The following SUGCT variants were observed in gnomAD, a reference collection of about 807,000 sequenced individuals.
The protein encoded by SUGCT is succinyl-CoA:glutarate-CoA transferase, also known as succinyl-CoA:glutarate CoA-transferase.
In SUGCT, 41 loss-of-function variants were observed where a neutral mutation model predicts 55.0. The ratio of observed to expected loss-of-function variants is 0.74; its 90% CI spans 0.58 to 0.97. The LOEUF (loss-of-function observed/expected upper bound fraction) is 0.97, where lower values mean the gene tolerates loss of function less well. Among genes scored for constraint, SUGCT ranks in the 50% least tolerant of loss-of-function variants. The pLI is 0.00. For synonymous variants in SUGCT, 187 were observed against 200.4 expected (o/e 0.93, Z 0.56); for missense variants, 568 against 547.8 (o/e 1.04, Z -0.37).
chr7:40,971,339 A>C, the SUGCT span, among the ~76,000 whole-genome samples: 131,352 of 152,096 alleles, frequency 0.86, 56,737 homozygotes, highest in Admixed American at 0.88. Flanking sequence ...ACCTCCAACA[A>C]TGGGGATTAC....
chr7:40,468,522 T>C (rs1038363204), intron 11 of SUGCT, among the ~76,000 whole-genome samples: 12 of 152,290 alleles, frequency 7.9e-5, no homozygotes, highest in African/African-American at 2.9e-4. Flanking sequence ...TATTATGTAG[T>C]ACAGTCTTAA....
intron 8 of SUGCT, among the ~76,000 whole-genome samples, chr7:40,304,589 C>G (rs531668050): frequency 4.2e-4 from 64 of 151,500 alleles, no homozygotes; most frequent in African/African-American, 1.3e-3. Flanking sequence ...CTCACCACCC[C>G]CCACCCTTTC....
At chr7:40,516,212 A>T (rs1236833250) in intron 12 of SUGCT, among the ~76,000 whole-genome samples, 2 of 152,120 alleles carry the variant, frequency 1.3e-5, no homozygotes, top group Non-Finnish European at 2.9e-5. Context: ...TTATTTGTCT[A>T]TTATTATTGA....
chr7:40,254,836 A>T (rs55648745), intron 7 of SUGCT, among the ~76,000 whole-genome samples: 64,953 of 151,770 alleles, frequency 0.43, 14,106 homozygotes, highest in East Asian at 0.5. Flanking sequence ...TATTTTTCAA[A>T]AATTTAGCAC....
chr7:40,388,265 T>C (rs1785230433), intron 9 of SUGCT: 1 of 152,168 alleles, frequency 6.6e-6, no homozygotes, highest in African/African-American at 2.4e-5. Context: ...AGGCATTTAG[T>C]GAAGCAAGCT....
At chr7:40,279,643 CAT>C (rs1792820342) in intron 8 of SUGCT, among the ~76,000 whole-genome samples, 2 of 130,414 alleles carry the variant, frequency 1.5e-5, no homozygotes, top group African/African-American at 3.8e-5. Flanking sequence ...TGGCTAATAA[CAT>C]AATTATTTTA....
chr7:40,863,798 T>G (rs528749657), downstream of SUGCT, among the ~76,000 whole-genome samples: 13 of 152,214 alleles, frequency 8.5e-5, no homozygotes, highest in Admixed American at 5.9e-4. Context: ...AAAAAAACAG[T>G]TGCTTATCTT....
Position 40,244,124 on chromosome 7 carries a change from G to C in SUGCT, c.576+6398G>C, listed in dbSNP as rs1789652200. On this transcript the variant is annotated intron_variant, in intron 7 of 13. Transcript: ENST00000335693. ...GGAGGTGGAGGTTGCTGTGAGCCCAGATTGCGCCACTGCACTCCAGCCTGG... is the reference window on the plus strand; with the variant it reads ...GGAGGTGGAGGTTGCTGTGAGCCCACATTGCGCCACTGCACTCCAGCCTGG... Among the ~76,000 whole-genome samples the C allele has an allele frequency of 2.0e-5, 3 of 152,312 alleles. No individual in the cohort carries two copies. The South Asian group carries it at 6.2e-4, about 32-fold the overall frequency.
the SUGCT span, among the ~76,000 whole-genome samples, chr7:41,025,970 G>T: frequency 6.6e-6 from 1 of 152,118 alleles, no homozygotes; most frequent in Non-Finnish European, 1.5e-5. Context: ...GTCGAGGGGT[G>T]GACTCCAGGA....
At chr7:40,642,152 T>A (rs577448642) in intron 12 of SUGCT, among the ~76,000 whole-genome samples, 1 of 152,338 alleles carries the variant, frequency 6.6e-6, no homozygotes, top group Admixed American at 6.5e-5. Context: ...CCCCTGACAC[T>A]CACTGGCTTT....
At chr7:40,298,634 T>C (rs1794326166) in intron 8 of SUGCT, among the ~76,000 whole-genome samples, 1 of 152,142 alleles carries the variant, frequency 6.6e-6, no homozygotes, top group South Asian at 2.1e-4. Flanking sequence ...CCACTTAAGA[T>C]GACTTGAAAG....
At position 40,623,465 on chromosome 7, in the gene SUGCT, CTACAAG is replaced by C. The variant is rs1394248471; in HGVS notation, c.1090-125963_1090-125958del. Among the ~76,000 whole-genome samples, 3 of 152,066 alleles carry C rather than the reference CTACAAG, an allele frequency of 2.0e-5. No individual in the cohort carries two copies. The East Asian group carries it at 5.8e-4, about 29-fold the overall frequency. Reference sequence around the variant, plus strand: ...CATTTCTCTCTCATTTTTCTGTATTCTACAAGTACAATTTATTGTTTTATGAGCCTC... The same window carrying C: ...CATTTCTCTCTCATTTTTCTGTATTCTACAATTTATTGTTTTATGAGCCTC... On this transcript the variant is annotated intron_variant, in intron 12 of 13. Transcript: ENST00000335693.
chr7:40,890,968 C>T, the SUGCT span, among the ~76,000 whole-genome samples: 1 of 151,820 alleles, frequency 6.6e-6, no homozygotes, highest in African/African-American at 2.4e-5. Context: ...AGAGAGACAA[C>T]CCATAAAAAA....
chr7:40,603,042 C>T (rs1798366302), intron 12 of SUGCT, among the ~76,000 whole-genome samples: 1 of 152,194 alleles, frequency 6.6e-6, no homozygotes, highest in South Asian at 2.1e-4. Flanking sequence ...CTCATGTGAA[C>T]TTCTAGGGAA....
intron 1 of SUGCT, among the ~76,000 whole-genome samples, chr7:40,178,617 A>T (rs998655171): frequency 1.3e-5 from 2 of 151,936 alleles, no homozygotes; most frequent in Admixed American, 6.6e-5. Context: ...CCTGATAACC[A>T]ATACTTTATA....
chr7:40,467,323 T>C (rs1790176359), intron 11 of SUGCT, among the ~76,000 whole-genome samples: 1 of 151,890 alleles, frequency 6.6e-6, no homozygotes, highest in Non-Finnish European at 1.5e-5. Flanking sequence ...GAGTACCTAG[T>C]GTACGTCTAT....
At chr7:40,692,339 G>T (rs1784735476) in intron 12 of SUGCT, among the ~76,000 whole-genome samples, 1 of 152,172 alleles carries the variant, frequency 6.6e-6, no homozygotes, top group African/African-American at 2.4e-5. Flanking sequence ...GAGAATAAGG[G>T]TATTACTTTG....
intron 6 of SUGCT, among the ~76,000 whole-genome samples, chr7:40,207,543 G>A (rs1029070379): frequency 2.0e-5 from 3 of 152,210 alleles, no homozygotes; most frequent in East Asian, 1.9e-4. Flanking sequence ...GAAGCTGGGC[G>A]TGGTGGTTCA....
chr7:40,383,260 G>C (rs1292323144), intron 9 of SUGCT, among the ~76,000 whole-genome samples: 1 of 152,134 alleles, frequency 6.6e-6, no homozygotes, highest in Non-Finnish European at 1.5e-5. Context: ...AATGGCCTGA[G>C]AGATTTGCTC....
Sources: gnomAD v4.1 joint callset for allele counts (sites outside exome capture counted in the v4.1 genomes callset) on GRCh38, gnomAD v4.1.1 for gene constraint, MANE v1.5 for transcripts, NCBI Gene and HGNC (gene_info 2026-07-23, HGNC 2026-07-21) for gene names.